Variants in PRKCH observed in about 807,000 individuals in gnomAD.
The protein encoded by PRKCH is protein kinase C eta.
Under a neutral mutation model 82.5 loss-of-function variants are expected in PRKCH, and 28 were observed. That is an observed-to-expected ratio of 0.34 (90% CI 0.25 to 0.47). The LOEUF is 0.47. Ranked by LOEUF, PRKCH falls within the 20% of genes least tolerant of loss-of-function variation. The probability of loss-of-function intolerance (pLI) is 1.00; values close to 1 mark genes in which losing one functional copy is unlikely to be tolerated. For synonymous variants in PRKCH, 322 were observed against 327.4 expected (o/e 0.98, Z 0.18); for missense variants, 705 against 881.8 (o/e 0.80, Z 2.54).
At chr14:61,528,393 C>CA (rs1455934619) in intron 10 of PRKCH, among the ~76,000 whole-genome samples, 2 of 152,108 alleles carry the variant, frequency 1.3e-5, no homozygotes, top group African/African-American at 4.8e-5. Flanking sequence ...GGATGTTGCC[C>CA]ATGTTGTCCA....
chr14:61,536,921 A>T (rs1016441351), intron 12 of PRKCH, among the ~76,000 whole-genome samples: 5 of 152,286 alleles, frequency 3.3e-5, no homozygotes, highest in South Asian at 4.2e-4. Flanking sequence ...AGCTGTTCAA[A>T]CATTTCCTAT....
At chr14:61,455,142 G>A (rs1205872199) in intron 7 of PRKCH, among the ~76,000 whole-genome samples, 1 of 150,650 alleles carries the variant, frequency 6.6e-6, no homozygotes, top group Non-Finnish European at 1.5e-5. Context: ...CCATTCTCCT[G>A]CCTCAGCCTT....
rs957717663 is a variant in PRKCH, at chr14:61,210,180, G to A, written c.-19+22512G>A. Among the ~76,000 whole-genome samples, 7 of 140,834 alleles carry A rather than the reference G, an allele frequency of 5.0e-5. No homozygotes were observed. In the East Asian group the frequency reaches 1.0e-3, roughly 21 times the overall value. The allele number at this position is 140,834 out of a possible 152,430, so 92.4% of individuals were successfully genotyped here. ...TATATATAAATTAGCTTGGCATAGT[G>A]GCAGGCACCTGTAATCCCAGCTTTT... is the stretch of plus-strand genomic sequence containing the variant. On this transcript the variant is annotated intron_variant, in intron 1 of 3. Coordinates refer to the PRKCH transcript ENST00000555185.
intron 10 of PRKCH, among the ~76,000 whole-genome samples, chr14:61,514,729 A>C (rs1428809897): frequency 6.6e-6 from 1 of 152,172 alleles, no homozygotes; most frequent in Non-Finnish European, 1.5e-5. Context: ...GTATTTGCAA[A>C]GCACTGTGTT....
At position 61,228,318 on chromosome 14, in the gene PRKCH, G is replaced by A. The variant is rs556042990; in HGVS notation, c.-19+40650G>A. Reference sequence around the variant, plus strand: ...AGAGAAAAGCAATTTTTAAAGTCTAGACAGCATATTAACAACAAGGGCTTA... The same window carrying A: ...AGAGAAAAGCAATTTTTAAAGTCTAAACAGCATATTAACAACAAGGGCTTA... On this transcript the variant is annotated intron_variant, in intron 1 of 3. Coordinates refer to the PRKCH transcript ENST00000555185. Among the ~76,000 whole-genome samples the A allele has an allele frequency of 1.1e-3, 165 of 152,302 alleles. 1 individual carries two copies. Among genetic ancestry groups the A allele is most frequent in the Middle Eastern group, 6.8e-3 (2 of 294 alleles).
At chr14:61,422,811 A>G (rs1882915592) in intron 2 of PRKCH, among the ~76,000 whole-genome samples, 1 of 152,214 alleles carries the variant, frequency 6.6e-6, no homozygotes, top group South Asian at 2.1e-4. Flanking sequence ...TAAAAGAAGC[A>G]GAAACATTGC....
At chr14:61,325,028 G>T (rs758507804) in intron 1 of PRKCH, among the ~76,000 whole-genome samples, 2 of 152,120 alleles carry the variant, frequency 1.3e-5, no homozygotes, top group Non-Finnish European at 2.9e-5. Flanking sequence ...GATTCAATAT[G>T]GTTAAGATCT....
intron 1 of PRKCH, among the ~76,000 whole-genome samples, chr14:61,371,124 C>A (rs1268549034): frequency 6.6e-6 from 1 of 152,020 alleles, no homozygotes; most frequent in African/African-American, 2.4e-5. Flanking sequence ...GGATTTAGGG[C>A]TCAGTGAAGG....
intron 1 of PRKCH, among the ~76,000 whole-genome samples, chr14:61,238,806 C>T (rs1027543455): frequency 1.3e-5 from 2 of 152,114 alleles, no homozygotes; most frequent in Admixed American, 6.6e-5. Flanking sequence ...CTGTAAGACC[C>T]GTGAAGGGAA....
In PRKCH at chr14:61,371,805, G is replaced by A. The variant is rs915732286; in HGVS notation, c.364-19420G>A. Among the ~76,000 whole-genome samples, 5 of 151,996 alleles carry A rather than the reference G, an allele frequency of 3.3e-5. 1 individual carries two copies. The highest frequency in any genetic ancestry group is 9.7e-5 in the African/African-American group (4 of 41,288). ...ACTGTACATAGCTCACACTTTAGTT[G>A]TGGAGAATTATGCTCTACCTCCCTG... On this transcript the variant is annotated intron_variant, in intron 1 of 13. Transcript: ENST00000332981.
At chr14:61,486,682 T>C (rs911931413) in intron 10 of PRKCH, among the ~76,000 whole-genome samples, 1 of 151,100 alleles carries the variant, frequency 6.6e-6, no homozygotes, top group Admixed American at 6.6e-5. Flanking sequence ...CTTTCTTTCT[T>C]TCTTTTTTTT....
chr14:61,458,027 A>T (rs1411173656), intron 9 of PRKCH, among the ~76,000 whole-genome samples: 1 of 152,226 alleles, frequency 6.6e-6, no homozygotes, highest in East Asian at 1.9e-4. Flanking sequence ...CATTGTCTTG[A>T]TGAATTTGGC....
At chr14:61,211,805 G>A (rs2044583179) in intron 1 of PRKCH, among the ~76,000 whole-genome samples, 2 of 152,106 alleles carry the variant, frequency 1.3e-5, no homozygotes, top group Admixed American at 6.5e-5. Flanking sequence ...GTGTCAAGAA[G>A]ACTTGAACAA....
intron 1 of PRKCH, among the ~76,000 whole-genome samples, chr14:61,193,366 G>C (rs2044419748): frequency 6.6e-6 from 1 of 152,148 alleles, no homozygotes; most frequent in Admixed American, 6.5e-5. Flanking sequence ...TACAAAACCA[G>C]ATGGTCATGG....
intron 10 of PRKCH, among the ~76,000 whole-genome samples, chr14:61,496,449 C>T (rs1209567510): frequency 6.6e-6 from 1 of 152,172 alleles, no homozygotes; most frequent in African/African-American, 2.4e-5. Flanking sequence ...ACACGTTTCC[C>T]CCTGCTTAGA....
chr14:61,384,940 G>A (rs1248602700), intron 1 of PRKCH, among the ~76,000 whole-genome samples: 1 of 152,026 alleles, frequency 6.6e-6, no homozygotes, highest in East Asian at 1.9e-4. Flanking sequence ...ATTATTTTGG[G>A]TATGGATGTC....
chr14:61,386,856 G>T (rs1033723852), intron 1 of PRKCH, among the ~76,000 whole-genome samples: 55 of 152,168 alleles, frequency 3.6e-4, no homozygotes, highest in African/African-American at 1.3e-3. Flanking sequence ...CTGACAATTT[G>T]AATATGTTTT....
chr14:61,540,367 C>T (rs997199404), intron 12 of PRKCH, among the ~76,000 whole-genome samples: 3 of 152,178 alleles, frequency 2.0e-5, no homozygotes, highest in Non-Finnish European at 4.4e-5. Context: ...AATGATTCTC[C>T]TCACCTGTCG....
chr14:61,542,418 A>G (rs1055398202), intron 12 of PRKCH, among the ~76,000 whole-genome samples: 1 of 151,860 alleles, frequency 6.6e-6, no homozygotes, highest in Non-Finnish European at 1.5e-5. Context: ...GTATGTGCCT[A>G]TAATCCCAGC....
Sources: gnomAD v4.1 joint callset for allele counts (sites outside exome capture counted in the v4.1 genomes callset) on GRCh38, gnomAD v4.1.1 for gene constraint, MANE v1.5 for transcripts, NCBI Gene and HGNC (gene_info 2026-07-23, HGNC 2026-07-21) for gene names.